The following GRM1 variants were observed in gnomAD, a reference collection of about 807,000 sequenced individuals.
GRM1 encodes the protein glutamate metabotropic receptor 1, also known as metabotropic glutamate receptor 1.
In GRM1, 33 loss-of-function variants were observed where a neutral mutation model predicts 90.9. That is an observed-to-expected ratio of 0.36 (90% confidence interval 0.28 to 0.49). GRM1 has a LOEUF of 0.49. Among genes scored for constraint, GRM1 ranks in the 20% least tolerant of loss-of-function variants. GRM1 has a pLI of 0.99. For synonymous variants in GRM1, 700 were observed against 613.2 expected, an observed-to-expected ratio of 1.14 and a Z score of -2.09; for missense variants, 1,190 against 1,534.3, an observed-to-expected ratio of 0.78 and a Z score of 3.75.
Position 146,110,738 on chromosome 6 carries a change from T to G in GRM1, c.701-48610T>G, listed in dbSNP as rs771820369. On this transcript the variant is annotated intron_variant, in intron 1 of 7. Transcript: ENST00000282753. ...AAGGCATTTATTTTGTATTTCCTCATAGGCTGTTTTGTATGGTTATTTAAC... is the reference window on the plus strand; with the variant it reads ...AAGGCATTTATTTTGTATTTCCTCAGAGGCTGTTTTGTATGGTTATTTAAC... 1.1e-3 allele frequency among the ~76,000 whole-genome samples: 160 copies of G among 152,306 alleles called. 1 individual carries two copies. Among genetic ancestry groups the G allele is most frequent in the Non-Finnish European group, 5.0e-4 (34 of 68,024 alleles).
chr6:146,246,836 T>C (rs1781076473), intron 2 of GRM1, among the ~76,000 whole-genome samples: 1 of 152,148 alleles, frequency 6.6e-6, no homozygotes, highest in Non-Finnish European at 1.5e-5. Flanking sequence ...CAGGTGAAAA[T>C]GGTGAATTTA....
intron 1 of GRM1, among the ~76,000 whole-genome samples, chr6:146,124,363 C>T (rs1420272506): frequency 2.0e-5 from 3 of 152,052 alleles, no homozygotes; most frequent in Admixed American, 1.3e-4. Flanking sequence ...TTGCTGATTT[C>T]GAAGAGGACA....
At chr6:146,201,104 T>G (rs1288263659) in intron 2 of GRM1, among the ~76,000 whole-genome samples, 4 of 152,180 alleles carry the variant, frequency 2.6e-5, no homozygotes, top group African/African-American at 9.7e-5. Flanking sequence ...GGACTTTACC[T>G]GTAAAACATC....
chr6:146,118,350 A>G (rs1053333006), intron 1 of GRM1, among the ~76,000 whole-genome samples: 14 of 152,032 alleles, frequency 9.2e-5, no homozygotes, highest in Admixed American at 6.5e-5. Context: ...CGTGTTAGCC[A>G]GGATGGCCTG....
chr6:146,400,231 G>A (rs901985095), intron 7 of GRM1, among the ~76,000 whole-genome samples: 1 of 152,144 alleles, frequency 6.6e-6, no homozygotes, highest in Non-Finnish European at 1.5e-5. Context: ...TGAGCACCAA[G>A]TATGTCCTAA....
At chr6:146,255,992 C>T (rs1479731306) in intron 2 of GRM1, among the ~76,000 whole-genome samples, 1 of 152,152 alleles carries the variant, frequency 6.6e-6, no homozygotes, top group African/African-American at 2.4e-5. Flanking sequence ...TTGACTCAAG[C>T]TGTATCCTAA....
chr6:146,131,215 A>T (rs1303006259), intron 1 of GRM1, among the ~76,000 whole-genome samples: 1 of 152,178 alleles, frequency 6.6e-6, no homozygotes, highest in Admixed American at 6.5e-5. Flanking sequence ...GTGGCTGATG[A>T]TGAATTTGTC....
At position 146,271,376 on chromosome 6, in the gene GRM1, C is replaced by T. The variant is rs577891278; in HGVS notation, c.951-33235C>T. On this transcript the variant is annotated intron_variant, in intron 2 of 7. Coordinates refer to ENST00000282753, the MANE Select transcript of GRM1 (RefSeq NM_001278064.2). ...TTGCCAGGGCTCCCTGGCCCAGAGC[C>T]TAGAACCAGACTGTAATGAGGTAGG... Among the ~76,000 whole-genome samples the T allele has an allele frequency of 9.9e-5, 15 of 152,188 alleles. No homozygotes were observed. In the South Asian group the frequency reaches 3.1e-3, roughly 32 times the overall value.
At chr6:146,172,908 T>A (rs1016887321) in intron 2 of GRM1, among the ~76,000 whole-genome samples, 9 of 152,140 alleles carry the variant, frequency 5.9e-5, no homozygotes, top group Admixed American at 5.9e-4. Context: ...TACTAACTGA[T>A]AAGTTGATCA....
At chr6:146,263,580 G>T (rs947046525) in intron 2 of GRM1, among the ~76,000 whole-genome samples, 2 of 151,868 alleles carry the variant, frequency 1.3e-5, no homozygotes, top group Non-Finnish European at 2.9e-5. Context: ...ATTCAGATTA[G>T]ATCCTTATCT....
At chr6:146,042,934 G>C (rs1791169572) in intron 1 of GRM1, among the ~76,000 whole-genome samples, 1 of 152,050 alleles carries the variant, frequency 6.6e-6, no homozygotes, top group Non-Finnish European at 1.5e-5. Flanking sequence ...TCCTCTCAAA[G>C]GGCCAGATAA....
In GRM1 at chr6:146,216,182, A is replaced by G. The variant is rs145414731; in HGVS notation, c.950+56585A>G. On this transcript the variant is annotated intron_variant, in intron 2 of 7. Transcript: ENST00000282753. Reference sequence around the variant, plus strand: ...ATGTATGTATCAGACTCTAGTATGTATTAGATTTGTCCAGTTGAAAAATGT... The same window carrying G: ...ATGTATGTATCAGACTCTAGTATGTGTTAGATTTGTCCAGTTGAAAAATGT... 1.7e-4 allele frequency among the ~76,000 whole-genome samples: 26 copies of G among 152,310 alleles called. 1 individual carries two copies. The East Asian group carries it at 4.6e-3, about 27-fold the overall frequency.
chr6:146,317,294 C>G (rs1275576477), intron 3 of GRM1, among the ~76,000 whole-genome samples: 1 of 152,196 alleles, frequency 6.6e-6, no homozygotes, highest in African/African-American at 2.4e-5. Flanking sequence ...TTTATCTTTG[C>G]ACATTTAATT....
intron 2 of GRM1, among the ~76,000 whole-genome samples, chr6:146,167,425 T>A (rs917926268): frequency 9.2e-5 from 14 of 152,144 alleles, no homozygotes; most frequent in African/African-American, 2.4e-4. Flanking sequence ...TTATGGGTCA[T>A]AAGTGTGTGT....
chr6:146,430,922 C>T (rs887918957), intron 7 of GRM1, among the ~76,000 whole-genome samples: 1 of 152,168 alleles, frequency 6.6e-6, no homozygotes, highest in Non-Finnish European at 1.5e-5. Flanking sequence ...AACAGCAGTG[C>T]ATTGTCTACA....
At chr6:146,361,802 G>T (rs1222808260) in intron 5 of GRM1, among the ~76,000 whole-genome samples, 1 of 152,162 alleles carries the variant, frequency 6.6e-6, no homozygotes, top group African/African-American at 2.4e-5. Flanking sequence ...GACACATGTT[G>T]TTCAACTATC....
Position 146,387,029 on chromosome 6 carries a change from T to C in GRM1, c.1729+13T>C, listed in dbSNP as rs751080672. On this transcript the variant is annotated intron_variant, in intron 6 of 7. Coordinates refer to ENST00000282753, the MANE Select transcript of GRM1 (RefSeq NM_001278064.2). ...GCAGATCTAACAGGTAGGAACTGCCTCACTTGGAAACCTTGTGCCTCACTA... is the reference window on the plus strand; with the variant it reads ...GCAGATCTAACAGGTAGGAACTGCCCCACTTGGAAACCTTGTGCCTCACTA... The C allele has an allele frequency of 1.2e-6, 2 of 1,612,446 alleles. No individual in the cohort carries two copies. Among genetic ancestry groups the C allele is most frequent in the Non-Finnish European group, 1.7e-6 (2 of 1,178,796 alleles).
intron 5 of GRM1, among the ~76,000 whole-genome samples, chr6:146,384,404 A>G (rs1257030550): frequency 6.6e-6 from 1 of 152,090 alleles, no homozygotes; most frequent in Non-Finnish European, 1.5e-5. Context: ...TTGGAAGGTC[A>G]TGTCTTAATA....
chr6:146,378,552 G>C (rs1776198095), intron 5 of GRM1, among the ~76,000 whole-genome samples: 1 of 152,170 alleles, frequency 6.6e-6, no homozygotes, highest in South Asian at 2.1e-4. Context: ...TAGCCCTTTT[G>C]TTTTGGCCAA....
Sources: allele counts gnomAD v4.1 joint callset (sites outside exome capture counted in the v4.1 genomes callset), GRCh38; gene constraint gnomAD v4.1.1; transcripts MANE v1.5; gene names NCBI Gene and HGNC (gene_info 2026-07-23, HGNC 2026-07-21).